Variants in CNTLN observed in about 807,000 individuals in gnomAD.
CNTLN encodes the protein centlein.
In CNTLN, 212 loss-of-function variants were observed where a neutral mutation model predicts 180.0. The observed-to-expected ratio is 1.18, with a 90% CI of 1.05 to 1.32. CNTLN has a LOEUF of 1.32. CNTLN is among the 40% of genes most tolerant of loss of function. CNTLN has a pLI of 0.00. For synonymous variants in CNTLN, 722 were observed against 563.1 expected, an observed-to-expected ratio of 1.28 and a Z score of -3.99; for missense variants, 2,095 against 1,610.9, an observed-to-expected ratio of 1.30 and a Z score of -5.14.
intron 23 of CNTLN, among the ~76,000 whole-genome samples, chr9:17,478,164 T>C (rs1832454403): frequency 1.3e-5 from 2 of 152,256 alleles, no homozygotes; most frequent in Admixed American, 1.3e-4. Context: ...TTAGACATAA[T>C]GCTATTGAAT....
intron 2 of CNTLN, among the ~76,000 whole-genome samples, chr9:17,202,979 T>G (rs1302427802): frequency 6.6e-6 from 1 of 152,140 alleles, no homozygotes; most frequent in African/African-American, 2.4e-5. Flanking sequence ...GGTACTGGTT[T>G]TTCCTTTCCA....
chr9:17,509,621 G>T, the CNTLN span, among the ~76,000 whole-genome samples: 24 of 152,198 alleles, frequency 1.6e-4, no homozygotes, highest in East Asian at 4.6e-3. Context: ...ACTTTGCAAG[G>T]TATGGCAAAG....
chr9:17,293,304 C>T lies in CNTLN; in HGVS notation c.984-4886C>T, dbSNP rs766051902. On this transcript the variant is annotated intron_variant, in intron 6 of 25. Transcript: ENST00000380647. ...GCATTCTGGCTGCCCCTTGGCGGAG[C>T]GGGTGCGCTGTGCTGTGGCGAATCT... Among the ~76,000 whole-genome samples the T allele has an allele frequency of 3.3e-5, 5 of 152,216 alleles. No homozygotes were observed. The South Asian group carries it at 6.2e-4, about 19-fold the overall frequency.
intron 25 of CNTLN, among the ~76,000 whole-genome samples, chr9:17,492,240 A>G (rs762784123): frequency 2.0e-5 from 3 of 151,940 alleles, no homozygotes; most frequent in East Asian, 1.9e-4. Flanking sequence ...TGAATCTACA[A>G]TATCAGTTTT....
chr9:17,330,583 G>A (rs1231240036), intron 8 of CNTLN, 49 bp from the exon 9 acceptor site: 1 of 978,454 alleles, frequency 1.0e-6, no homozygotes, highest in East Asian at 2.6e-5. Flanking sequence ...TATAAATAAT[G>A]TAAGATACAA....
intron 18 of CNTLN, among the ~76,000 whole-genome samples, chr9:17,455,803 GTGGCAGGCAGGTTTGGGGAA>G (rs869305376): frequency 8.0e-4 from 28 of 34,884 alleles, no homozygotes; most frequent in South Asian, 4.2e-3. Flanking sequence ...GGTTTGGGGA[GTGGCAGGCAGGTTTGGGGAA>G]TGGCAGGCAG....
At chr9:17,522,206 G>A in the CNTLN span, among the ~76,000 whole-genome samples, 5 of 152,164 alleles carry the variant, frequency 3.3e-5, no homozygotes, top group Admixed American at 6.5e-5. Flanking sequence ...TATAGTGCCT[G>A]CCACATAGTA....
chr9:17,506,096 C>T (rs1833928369), downstream of CNTLN, among the ~76,000 whole-genome samples: 1 of 144,094 alleles, frequency 6.9e-6, no homozygotes, highest in South Asian at 2.2e-4. Context: ...AAAAAAAAAT[C>T]TTGACCTAAA....
chr9:17,462,877 T>G (rs1228901772), intron 19 of CNTLN, 39 bp from the exon 20 acceptor site: 1 of 1,141,578 alleles, frequency 8.8e-7, no homozygotes, highest in African/African-American at 1.6e-5. Flanking sequence ...AGACCAAGGT[T>G]GTAAGGTATA....
chr9:17,164,911 C>T (rs1260299120), intron 2 of CNTLN, among the ~76,000 whole-genome samples: 33 of 149,920 alleles, frequency 2.2e-4, no homozygotes. Context: ...TCTTGGCTCA[C>T]TGCGACCTCT....
chr9:17,451,841 A>C (rs960683731), intron 18 of CNTLN, among the ~76,000 whole-genome samples: 1 of 152,216 alleles, frequency 6.6e-6, no homozygotes, highest in African/African-American at 2.4e-5. Flanking sequence ...CATTACTTTA[A>C]ATTTTTAATC....
intron 5 of CNTLN, among the ~76,000 whole-genome samples, chr9:17,246,877 T>C (rs1389953748): frequency 3.8e-5 from 5 of 130,586 alleles, no homozygotes; most frequent in Non-Finnish European, 6.3e-5. Context: ...GGTCTCTCCC[T>C]CAGAGGAGTG....
chr9:17,259,631 T>C (rs1235990621), intron 5 of CNTLN, among the ~76,000 whole-genome samples: 1 of 151,040 alleles, frequency 6.6e-6, no homozygotes, highest in Non-Finnish European at 1.5e-5. Flanking sequence ...GGTAAGCTGT[T>C]GATTATTGCC....
chr9:17,435,334 C>T (rs909369041), intron 18 of CNTLN, among the ~76,000 whole-genome samples: 1 of 152,138 alleles, frequency 6.6e-6, no homozygotes, highest in Non-Finnish European at 1.5e-5. Context: ...ATAATGCTTT[C>T]TGGACTTAGT....
intron 8 of CNTLN, among the ~76,000 whole-genome samples, chr9:17,314,629 G>C (rs1031768773): frequency 7.9e-5 from 12 of 152,164 alleles, no homozygotes; most frequent in African/African-American, 2.9e-4. Context: ...GTTTCTGTTG[G>C]AATTTTAGTC....
chr9:17,207,943 G>T (rs1427826978), intron 2 of CNTLN, among the ~76,000 whole-genome samples: 2 of 151,956 alleles, frequency 1.3e-5, no homozygotes, highest in Non-Finnish European at 2.9e-5. Flanking sequence ...TTTCCACTTT[G>T]GATGCTCTTT....
chr9:17,487,043 A>C lies in CNTLN; in HGVS notation c.4096A>C (p.Ile1366Leu). Residue 1366 changes from isoleucine to leucine, a missense_variant, in exon 25 of 26, where the codon ATT becomes CTT. Physicochemically the swap from Ile to Leu is conservative, Grantham distance 5 (BLOSUM62 2). Coordinates refer to ENST00000380647, the MANE Select transcript of CNTLN (RefSeq NM_017738.4). ...AENDKEWMLY[I>L]QKLLEGQLPF... ...AAATGACAAGGAATGGATGTTGTAC[A>C]TTCAGAAACTTCTTGAAGGACAGGT... 1 of 1,603,194 alleles carries C rather than the reference A, an allele frequency of 6.2e-7. No individual in the cohort carries two copies. Among genetic ancestry groups the C allele is most frequent in the African/African-American group, 1.3e-5 (1 of 74,488 alleles).
chr9:17,400,174 G>A (rs536807292), intron 15 of CNTLN, among the ~76,000 whole-genome samples: 1 of 152,158 alleles, frequency 6.6e-6, no homozygotes, highest in East Asian at 1.9e-4. Flanking sequence ...GTCTTACCCT[G>A]TCACCCAGGC....
At chr9:17,200,389 T>A (rs1405231896) in intron 2 of CNTLN, among the ~76,000 whole-genome samples, 3 of 152,216 alleles carry the variant, frequency 2.0e-5, no homozygotes, top group African/African-American at 4.8e-5. Flanking sequence ...AGTGGTAGTT[T>A]GATGGGAACA....
Sources: allele counts gnomAD v4.1 joint callset (sites outside exome capture counted in the v4.1 genomes callset), GRCh38; gene constraint gnomAD v4.1.1; transcripts MANE v1.5; gene names NCBI Gene and HGNC (gene_info 2026-07-23, HGNC 2026-07-21).